PLCG2: variants seen among roughly 807,000 people sequenced by gnomAD.
PLCG2 encodes the protein phospholipase C gamma 2, also known as 1-phosphatidylinositol 4,5-bisphosphate phosphodiesterase gamma-2.
PLCG2 carries 69 observed loss-of-function variants against 175.6 expected under a neutral mutation model. That is an observed-to-expected ratio of 0.39 (90% CI 0.32 to 0.48). PLCG2 has a LOEUF of 0.48. PLCG2 is among the 20% of genes least tolerant of loss of function. PLCG2 has a pLI of 0.91. For missense variants in PLCG2, 1,798 were observed against 1,650.9 expected (o/e 1.09, Z -1.54); for synonymous variants, 827 against 624.0 (o/e 1.33, Z -4.85).
At chr16:81,814,785 C>G (rs1904466131) in intron 2 of PLCG2, among the ~76,000 whole-genome samples, 1 of 152,158 alleles carries the variant, frequency 6.6e-6, no homozygotes, top group South Asian at 2.1e-4. Flanking sequence ...TCACTGTTCC[C>G]TTGCTGTGTG....
intron 31 of PLCG2, among the ~76,000 whole-genome samples, chr16:81,955,434 T>A (rs2143777112): frequency 6.6e-6 from 1 of 152,298 alleles, no homozygotes; most frequent in South Asian, 2.1e-4. Flanking sequence ...TCAGGGATCC[T>A]CTGAAACAGA....
At position 81,768,552 on chromosome 16, in the gene PLCG2, G is replaced by GTTTTTTT. The variant is rs769292122; in HGVS notation, c.-48+12607_-48+12613dup. ...TCACCAGCACTCGGTGTTATCCTCA[G>GTTTTTTT]TTTTTTTTTTTTTTTTTTTTTTTTT... On this transcript the variant is annotated intron_variant, in intron 2 of 5. Transcript: ENST00000565054. Among the ~76,000 whole-genome samples the GTTTTTTT allele has an allele frequency of 8.5e-5, 9 of 105,416 alleles. 1 individual carries two copies. The highest frequency in any genetic ancestry group is 3.1e-4 in the South Asian group (1 of 3,278). 69.2% of individuals were successfully genotyped at this position (105,416 alleles called of 152,430 possible).
intron 7 of PLCG2, among the ~76,000 whole-genome samples, chr16:81,877,411 C>T (rs1391183745): frequency 5.9e-5 from 9 of 152,158 alleles, no homozygotes; most frequent in African/African-American, 1.9e-4. Context: ...GCCGAGATTG[C>T]GCCACTGCAC....
chr16:81,811,867 T>G (rs1904334043), intron 2 of PLCG2, among the ~76,000 whole-genome samples: 1 of 152,076 alleles, frequency 6.6e-6, no homozygotes, highest in Admixed American at 6.6e-5. Flanking sequence ...TGATTTACAA[T>G]CCTTTCGGTT....
chr16:81,931,693 T>C (rs1441653782), intron 25 of PLCG2, 39 bp downstream of exon 25: 8 of 1,594,842 alleles, frequency 5.0e-6, no homozygotes, highest in South Asian at 2.2e-5. Flanking sequence ...GGGCCTGGCA[T>C]TCTGAGGGCT....
intron 2 of PLCG2, among the ~76,000 whole-genome samples, chr16:81,817,757 G>A (rs2143321340): frequency 6.6e-6 from 1 of 152,302 alleles, no homozygotes; most frequent in Admixed American, 6.5e-5. Context: ...AGAGAGCTGG[G>A]GTTACAGGCA....
At chr16:81,782,836 C>G (rs919418584) in intron 1 of PLCG2, among the ~76,000 whole-genome samples, 1 of 152,204 alleles carries the variant, frequency 6.6e-6, no homozygotes. Flanking sequence ...ACTGCTGCAC[C>G]TTACACCCAC....
At chr16:81,943,201 C>G (rs1469542426) in intron 30 of PLCG2, among the ~76,000 whole-genome samples, 1 of 152,216 alleles carries the variant, frequency 6.6e-6, no homozygotes, top group Non-Finnish European at 1.5e-5. Flanking sequence ...TCCGTTCTCA[C>G]ACTGCTATAA....
chr16:81,834,115 T>C (rs1905389827), intron 2 of PLCG2, among the ~76,000 whole-genome samples: 1 of 152,176 alleles, frequency 6.6e-6, no homozygotes, highest in South Asian at 2.1e-4. Flanking sequence ...GTCTTTGGCA[T>C]CAAAACCCAG....
chr16:81,827,203 T>TTG (rs1555510128), intron 2 of PLCG2, among the ~76,000 whole-genome samples: 1 of 151,534 alleles, frequency 6.6e-6, no homozygotes, highest in Non-Finnish European at 1.5e-5. Context: ...TTTTTTTTTT[T>TTG]GGGGACAGGG....
At chr16:81,956,968 C>G in intron 32 of PLCG2, 89 bp downstream of exon 32, 1 of 1,124,194 alleles carries the variant, frequency 8.9e-7, no homozygotes, top group Non-Finnish European at 1.3e-6. Context: ...CTGGAAAGCC[C>G]TCTGAGTTGC....
intron 30 of PLCG2, among the ~76,000 whole-genome samples, chr16:81,945,556 T>G (rs181017673): frequency 5.9e-5 from 9 of 152,364 alleles, no homozygotes; most frequent in African/African-American, 2.2e-4. Flanking sequence ...TGAGATGTGT[T>G]GCCTTAAACA....
chr16:81,940,208 AGCC>A, intron 30 of PLCG2, 149 bp downstream of exon 30: 3 of 621,898 alleles, frequency 4.8e-6, no homozygotes, highest in African/African-American at 1.9e-5. Context: ...GCAGGTGTAC[AGCC>A]TGTCGTGTAG....
intron 13 of PLCG2, among the ~76,000 whole-genome samples, chr16:81,897,602 A>T (rs181880865): frequency 6.8e-6 from 1 of 146,568 alleles, no homozygotes; most frequent in African/African-American, 2.5e-5. Flanking sequence ...CTAGAGTGCA[A>T]TGGCAGGATC....
rs531228315 is a variant in PLCG2 at position 81,847,356 on chromosome 16, C to T, written c.194-7088C>T. On this transcript the variant is annotated intron_variant, in intron 2 of 32. Transcript: ENST00000564138. Reference sequence around the variant, plus strand: ...CTGGGTTTTTATGAGAGCCTAATTACAAAGGCATGATTGATTAAATCATTG... The same window carrying T: ...CTGGGTTTTTATGAGAGCCTAATTATAAAGGCATGATTGATTAAATCATTG... Among the ~76,000 whole-genome samples, 65 of 152,286 alleles carry T rather than the reference C, an allele frequency of 4.3e-4. 2 individuals carry two copies. Among genetic ancestry groups the T allele is most frequent in the African/African-American group, 1.5e-3 (63 of 41,568 alleles).
In PLCG2 at chr16:81,865,147, A is replaced by G. The variant is rs576485565; in HGVS notation, c.480-4067A>G. 2.0e-5 allele frequency among the ~76,000 whole-genome samples: 3 copies of G among 152,216 alleles called. No homozygotes were observed. In the East Asian group the frequency reaches 5.8e-4, roughly 29 times the overall value. ...AGCATGGCCTGTGGAGCTGTCCTGA[A>G]TTGAGACTAGAGGGCCAGGCCTTTG... On this transcript the variant is annotated intron_variant, in intron 5 of 32. Coordinates refer to ENST00000564138, the MANE Select transcript of PLCG2 (RefSeq NM_002661.5).
chr16:81,903,613 C>T (rs945578867), intron 14 of PLCG2, among the ~76,000 whole-genome samples: 2 of 152,128 alleles, frequency 1.3e-5, no homozygotes, highest in African/African-American at 4.8e-5. Flanking sequence ...TCGGAGATGC[C>T]AAGGGATGCT....
At chr16:81,860,234 C>G (rs55678733) in intron 5 of PLCG2, among the ~76,000 whole-genome samples, 1 of 140,002 alleles carries the variant, frequency 7.1e-6, no homozygotes, top group Non-Finnish European at 1.5e-5. Context: ...AAAAAGCAAA[C>G]GCAGTTTTGG....
At chr16:81,848,057 A>G (rs1025633295) in intron 2 of PLCG2, among the ~76,000 whole-genome samples, 1 of 152,240 alleles carries the variant, frequency 6.6e-6, no homozygotes, top group Non-Finnish European at 1.5e-5. Flanking sequence ...ACAGCATTGT[A>G]GAACGAAATC....
Sources: allele counts gnomAD v4.1 joint callset (sites outside exome capture counted in the v4.1 genomes callset), GRCh38; gene constraint gnomAD v4.1.1; transcripts MANE v1.5; gene names NCBI Gene and HGNC (gene_info 2026-07-23, HGNC 2026-07-21).